SCCPDH: variants seen among roughly 807,000 people sequenced by gnomAD.
SCCPDH encodes the protein saccharopine dehydrogenase (putative), also known as saccharopine dehydrogenase-like oxidoreductase.
SCCPDH carries 34 observed loss-of-function variants against 51.5 expected under a neutral mutation model. The ratio of observed to expected loss-of-function variants is 0.66; its 90% CI spans 0.50 to 0.88. The LOEUF (loss-of-function observed/expected upper bound fraction) is 0.88. SCCPDH is among the 40% of genes least tolerant of loss of function. The pLI is 0.00. For missense variants in SCCPDH, 464 were observed against 527.1 expected, an observed-to-expected ratio of 0.88 and a Z score of 1.17; for synonymous variants, 187 against 191.3, an observed-to-expected ratio of 0.98 and a Z score of 0.19.
chr1:246,761,684 G>A (rs575740871), intron 9 of SCCPDH, among the ~76,000 whole-genome samples: 11 of 152,284 alleles, frequency 7.2e-5, no homozygotes, highest in African/African-American at 1.9e-4. Flanking sequence ...TTCACCTAGC[G>A]TAAGGTCTTC....
At chr1:246,730,545 C>T (rs1668477279) in intron 2 of SCCPDH, among the ~76,000 whole-genome samples, 1 of 152,226 alleles carries the variant, frequency 6.6e-6, no homozygotes, top group African/African-American at 2.4e-5. Flanking sequence ...TTTCCCACAA[C>T]CCCATCAGGA....
At chr1:246,766,216 G>A (rs1558176309) in intron 11 of SCCPDH, 77 bp downstream of exon 11, 1 of 1,088,164 alleles carries the variant, frequency 9.2e-7, no homozygotes, top group Non-Finnish European at 1.4e-6. Context: ...TTGATTTTCA[G>A]GCTTTGGGTT....
chr1:246,731,714 TTTTG>T (rs1668492513), intron 2 of SCCPDH, among the ~76,000 whole-genome samples: 1 of 147,312 alleles, frequency 6.8e-6, no homozygotes, highest in Non-Finnish European at 1.5e-5. Context: ...GTAGGGATTT[TTTTG>T]TTTTTGTTAT....
At chr1:246,730,874 C>G (rs1668481421) in intron 2 of SCCPDH, among the ~76,000 whole-genome samples, 1 of 152,194 alleles carries the variant, frequency 6.6e-6, no homozygotes, top group East Asian at 1.9e-4. Context: ...GCCTGGCCAA[C>G]ATGGTGAAAC....
intron 4 of SCCPDH, 23 bp downstream of exon 4, chr1:246,740,324 T>C: frequency 6.4e-7 from 1 of 1,568,916 alleles, no homozygotes; most frequent in Non-Finnish European, 8.7e-7. Flanking sequence ...CAATAAGCAA[T>C]AATGGAATTT....
At chr1:246,728,968 G>A (rs1668443966) in intron 2 of SCCPDH, among the ~76,000 whole-genome samples, 1 of 152,222 alleles carries the variant, frequency 6.6e-6, no homozygotes, top group Admixed American at 6.5e-5. Context: ...AGTACAAAGA[G>A]AAATTTTACA....
chr1:246,726,971 A>G lies in SCCPDH; in HGVS notation c.270A>G (p.Lys90=), dbSNP rs144493145. 337 of 1,614,010 alleles carry G rather than the reference A, an allele frequency of 2.1e-4. 1 individual carries two copies. In the Middle Eastern group the frequency reaches 2.1e-3, roughly 10 times the overall value. Residue 90 remains lysine, a synonymous_variant, in exon 2 of 12, where the codon AAA becomes AAG. Coordinates refer to ENST00000366510, the MANE Select transcript of SCCPDH (RefSeq NM_016002.3). Reference sequence around the variant, plus strand: ...CAGCCTCGCTTGATGAAATGGCTAAACAGGCAACAGTTGTCCTCAATTGCG... The same window carrying G: ...CAGCCTCGCTTGATGAAATGGCTAAGCAGGCAACAGTTGTCCTCAATTGCG... ...ANPASLDEMA[K]QATVVLNCVG...
chr1:246,729,781 C>A (rs996420709), intron 2 of SCCPDH, among the ~76,000 whole-genome samples: 1 of 151,598 alleles, frequency 6.6e-6, no homozygotes, highest in Non-Finnish European at 1.5e-5. Flanking sequence ...TCCATGAAAT[C>A]TTCACAATTT....
At chr1:246,748,010 C>G (rs371690638) in intron 5 of SCCPDH, among the ~76,000 whole-genome samples, 1 of 152,156 alleles carries the variant, frequency 6.6e-6, no homozygotes, top group African/African-American at 2.4e-5. Context: ...CTGAAACCTT[C>G]GAAGAGGAAT....
chr1:246,736,883 G>C (rs1391830190), intron 3 of SCCPDH, among the ~76,000 whole-genome samples: 1 of 152,152 alleles, frequency 6.6e-6, no homozygotes, highest in African/African-American at 2.4e-5. Context: ...CTATAGGGTA[G>C]TTATCTTCCT....
intron 10 of SCCPDH, 72 bp downstream of exon 10, chr1:246,764,429 A>G: frequency 1.3e-6 from 1 of 742,100 alleles, no homozygotes; most frequent in Non-Finnish European, 2.2e-6. Flanking sequence ...TGCCATTACA[A>G]TATATTCTTT....
At chr1:246,740,627 A>C (rs960897484) in intron 4 of SCCPDH, among the ~76,000 whole-genome samples, 2 of 152,224 alleles carry the variant, frequency 1.3e-5, no homozygotes, top group Non-Finnish European at 2.9e-5. Flanking sequence ...TTAAAGCATA[A>C]TTTGTATATT....
At chr1:246,751,776 CTT>C (rs34218859) in intron 5 of SCCPDH, among the ~76,000 whole-genome samples, 6 of 138,342 alleles carry the variant, frequency 4.3e-5, no homozygotes, top group Non-Finnish European at 3.1e-5. Context: ...ATAAATTCTC[CTT>C]TTTTTTTTTT....
intron 4 of SCCPDH, among the ~76,000 whole-genome samples, chr1:246,742,024 G>T (rs1382541176): frequency 6.6e-6 from 1 of 152,218 alleles, no homozygotes; most frequent in Non-Finnish European, 1.5e-5. Context: ...AGCTGAGATC[G>T]CGCTGTTGCA....
chr1:246,761,939 G>T (rs944126256), intron 9 of SCCPDH, among the ~76,000 whole-genome samples: 2 of 152,198 alleles, frequency 1.3e-5, no homozygotes, highest in Non-Finnish European at 2.9e-5. Context: ...TATGTGAATT[G>T]TATATTTAAC....
chr1:246,753,202 A>C (rs1406863976), intron 5 of SCCPDH, among the ~76,000 whole-genome samples: 5 of 151,764 alleles, frequency 3.3e-5, no homozygotes, highest in Admixed American at 6.6e-5. Flanking sequence ...TAGGTTCTTT[A>C]CAGGTTCTGG....
chr1:246,754,461 A>G (rs1042585346), intron 5 of SCCPDH, among the ~76,000 whole-genome samples: 3 of 152,268 alleles, frequency 2.0e-5, no homozygotes, highest in Non-Finnish European at 4.4e-5. Flanking sequence ...CAGTGCCGCA[A>G]AAGAAATAGC....
Position 246,764,556 on chromosome 1 carries a change from C to T in SCCPDH, c.1102+199C>T, listed in dbSNP as rs146600646. On this transcript the variant is annotated intron_variant, in intron 10 of 11. Coordinates refer to ENST00000366510, the MANE Select transcript of SCCPDH (RefSeq NM_016002.3). ...CAATTTTATTAGTGCATCCCTCCCT[C>T]TGGCTGTTTTTGGAGTATGATTCAG... Among the ~76,000 whole-genome samples the T allele has an allele frequency of 8.7e-3, 1,321 of 152,320 alleles. 14 individuals carry two copies. Among genetic ancestry groups the T allele is most frequent in the African/African-American group, 0.029 (1,226 of 41,570 alleles).
At position 246,724,412 on chromosome 1, in the gene SCCPDH, G is replaced by A. The variant is rs767892249; in HGVS notation, c.-11G>A. Reference sequence around the variant, plus strand: ...ACCCGCCCCGGGGCCTGGGCTCGCTGTGGACTCGTCATGGCGACCGAGCAG... The same window carrying A: ...ACCCGCCCCGGGGCCTGGGCTCGCTATGGACTCGTCATGGCGACCGAGCAG... On this transcript the variant is annotated 5_prime_UTR_variant, in exon 1 of 12. In the 5' UTR this introduces an upstream ATG that the reference lacks. Coordinates refer to ENST00000366510, the MANE Select transcript of SCCPDH (RefSeq NM_016002.3). 12 of 1,554,708 alleles carry A rather than the reference G, an allele frequency of 7.7e-6. No individual in the cohort carries two copies. Among genetic ancestry groups the A allele is most frequent in the East Asian group, 7.7e-5 (3 of 39,154 alleles).
Sources: allele counts gnomAD v4.1 joint callset (sites outside exome capture counted in the v4.1 genomes callset), GRCh38; gene constraint gnomAD v4.1.1; transcripts MANE v1.5; gene names NCBI Gene and HGNC (gene_info 2026-07-23, HGNC 2026-07-21).